Variants in CEP72 observed in about 807,000 individuals in gnomAD.
The protein encoded by CEP72 is centrosomal protein 72.
A neutral mutation model predicts 65.7 loss-of-function variants in CEP72; 78 were observed. The observed-to-expected ratio is 1.19, with a 90% CI of 0.99 to 1.43. The LOEUF (loss-of-function observed/expected upper bound fraction) is 1.43. Among genes scored for constraint, CEP72 ranks in the 40% most tolerant of loss-of-function variants. The pLI, the probability that CEP72 is intolerant of heterozygous loss-of-function variation, is 0.00. For synonymous variants in CEP72, 358 were observed against 351.7 expected (o/e 1.02, Z -0.20); for missense variants, 914 against 832.9 (o/e 1.10, Z -1.20).
Position 619,257 on chromosome 5 carries a change from T to C in CEP72, c.210+140T>C, listed in dbSNP as rs895437575. On this transcript the variant is annotated intron_variant, in intron 2 of 11. Transcript: ENST00000264935. ...ACTTTGTGTTGCGTATTTTTGTGTTTACCGTGGGCTACATTTCATACACAT... is the reference window on the plus strand; with the variant it reads ...ACTTTGTGTTGCGTATTTTTGTGTTCACCGTGGGCTACATTTCATACACAT... 9.7e-6 allele frequency: 7 copies of C among 718,398 alleles called. No homozygotes were observed. In the African/African-American group the frequency reaches 1.2e-4, roughly 13 times the overall value. The allele number at this position is 718,398 out of a possible 1,614,324, so 44.5% of individuals were successfully genotyped here.
At chr5:652,950 CG>C in intron 11 of CEP72, 37 bp from the exon 12 acceptor site, 5 of 1,560,700 alleles carry the variant, frequency 3.2e-6, no homozygotes, top group Non-Finnish European at 2.6e-6. Context: ...CTGGAGAGGA[CG>C]GAAGTGCCAA....
intron 4 of CEP72, among the ~76,000 whole-genome samples, chr5:627,661 G>A (rs983182154): frequency 1.3e-5 from 2 of 151,992 alleles, no homozygotes; most frequent in Non-Finnish European, 2.9e-5. Flanking sequence ...ATTTTTTGCT[G>A]ACACCACTCC....
chr5:634,718 C>T (rs1877853), intron 5 of CEP72, among the ~76,000 whole-genome samples: 5,681 of 152,152 alleles, frequency 0.037, 358 homozygotes, highest in African/African-American at 0.13. Context: ...GGTTGCTTCT[C>T]TTAGTATTGA....
downstream of CEP72, among the ~76,000 whole-genome samples, chr5:669,696 A>G (rs1740129977): frequency 6.6e-6 from 1 of 152,004 alleles, no homozygotes. Context: ...ATCAGAGGCG[A>G]CATTCAGATC....
At chr5:638,461 G>A (rs1036435237) in intron 7 of CEP72, among the ~76,000 whole-genome samples, 3 of 151,996 alleles carry the variant, frequency 2.0e-5, no homozygotes, top group Non-Finnish European at 4.4e-5. Context: ...CACAACGAGG[G>A]CTTCAGACTC....
intron 11 of CEP72, among the ~76,000 whole-genome samples, chr5:651,114 TGACTGTGAGGCGTG>T (rs1422012200): frequency 1.9e-5 from 1 of 53,010 alleles, no homozygotes; most frequent in Non-Finnish European, 3.1e-5. Flanking sequence ...CTGTGAGGTG[TGACTGTGAGGCGTG>T]GACTGTGAGG....
At position 640,533 on chromosome 5, in the gene CEP72, G is replaced by C; in HGVS notation, c.1468G>C (p.Glu490Gln). Residue 490 changes from glutamate to glutamine, a missense_variant, in exon 9 of 12, where the codon GAG (glutamate) becomes CAG (glutamine). Transcript: ENST00000264935. ...ESKSLQSRLAEQQQQHAREMS... is the reference protein window; with the variant it reads ...ESKSLQSRLAQQQQQHAREMS... The stretch of plus-strand genomic sequence containing the variant: ...TAAGTCCCTGCAAAGCCGCCTTGCT[G>C]AGCAGCAGCAGCAGCACGCCCGGGA... The C allele has an allele frequency of 6.2e-7, 1 of 1,614,100 alleles. No homozygotes were observed.
chr5:667,871 G>A (rs552796589), downstream of CEP72, among the ~76,000 whole-genome samples: 218 of 116,266 alleles, frequency 1.9e-3, 1 homozygote, highest in Non-Finnish European at 2.4e-3. Context: ...GGGAAGTACC[G>A]ACAAGCACAC....
At chr5:671,624 AG>A (rs1176438684), downstream of CEP72, among the ~76,000 whole-genome samples, 1 of 152,220 alleles carries the variant, frequency 6.6e-6, no homozygotes, top group Non-Finnish European at 1.5e-5. Flanking sequence ...CCCGGCCTGC[AG>A]GGTACAGGAG....
Position 643,008 on chromosome 5 carries a change from G to T in CEP72, c.1540-1291G>T, listed in dbSNP as rs926048067. 8.1e-6 allele frequency: 8 copies of T among 985,492 alleles called. No homozygotes were observed. In the African/African-American group the frequency reaches 1.4e-4, roughly 17 times the overall value. 61.0% of individuals were successfully genotyped at this position (985,492 alleles called of 1,614,324 possible). A position where few individuals can be genotyped will look rare whatever the true frequency, so the allele number is the denominator to read the frequency against. On this transcript the variant is annotated intron_variant, in intron 9 of 11. Coordinates refer to ENST00000264935, the MANE Select transcript of CEP72 (RefSeq NM_018140.4). ...GAGGCAGATGGGCTGCGCCCAGCTT[G>T]GGTGCAGTCGGTCCTCTGTTCCCTG... is the stretch of plus-strand genomic sequence containing the variant.
chr5:667,486 C>A (rs957066461), downstream of CEP72, among the ~76,000 whole-genome samples: 1 of 152,196 alleles, frequency 6.6e-6, no homozygotes, highest in African/African-American at 2.4e-5. Flanking sequence ...GAGAAGATCT[C>A]TGTGACCTGG....
chr5:612,667 C>G, intron 1 of CEP72: 1 of 952,720 alleles, frequency 1.0e-6, no homozygotes, highest in Non-Finnish European at 1.2e-6. Context: ...GCGTCCCGGC[C>G]CCTGCCTGTC....
chr5:651,325 G>GGACTGTGAGATGT (rs1366986147), intron 11 of CEP72, among the ~76,000 whole-genome samples: 18 of 146,628 alleles, frequency 1.2e-4, no homozygotes, highest in Non-Finnish European at 2.3e-4. Flanking sequence ...TGTGAGGCGT[G>GGACTGTGAGATGT]GACTGTGAGG....
downstream of CEP72, among the ~76,000 whole-genome samples, chr5:669,230 G>T (rs927420698): frequency 6.6e-6 from 1 of 152,146 alleles, no homozygotes; most frequent in African/African-American, 2.4e-5. Context: ...CAGACCCGCC[G>T]GCCATAGGGC....
At chr5:648,448 GTGTGAGGTGTGAC>G (rs1246163150) in intron 11 of CEP72, among the ~76,000 whole-genome samples, 70 of 145,964 alleles carry the variant, frequency 4.8e-4, no homozygotes, top group South Asian at 1.8e-3. Context: ...TCAACCCTGA[GTGTGAGGTGTGAC>G]TGTGAGGTGT....
At chr5:641,253 C>T (rs1481996841) in intron 9 of CEP72, 1 of 985,414 alleles carries the variant, frequency 1.0e-6, no homozygotes, top group South Asian at 4.7e-5. Context: ...CAAGGGCCTC[C>T]CCACGGGCTG....
At chr5:666,022 C>G in exon 4 of CEP72, 1 of 1,610,058 alleles carries the variant, frequency 6.2e-7, no homozygotes. Context: ...GTGCACCTCG[C>G]GAACGGCCTC....
Position 635,436 on chromosome 5 carries a change from C to T in CEP72, c.756C>T (p.Gly252=), listed in dbSNP as rs757496816. ...QYQCGDSGKQ[G]RETRRSSCRG... ...AGTGTGGGGACTCTGGGAAGCAGGG[C>T]CGTGAGACGAGGAGGAGCAGCTGCA... Residue 252 remains glycine (G), a synonymous_variant, in exon 6 of 12, where the codon GGC becomes GGT. Transcript: ENST00000264935. 1.2e-6 allele frequency: 2 copies of T among 1,614,090 alleles called. No homozygotes were observed. Among genetic ancestry groups the T allele is most frequent in the South Asian group, 2.2e-5 (2 of 91,080 alleles).
chr5:670,275 C>T (rs1740167634), downstream of CEP72, among the ~76,000 whole-genome samples: 1 of 152,166 alleles, frequency 6.6e-6, no homozygotes, highest in African/African-American at 2.4e-5. Flanking sequence ...TCCCATGGTG[C>T]CCTCTCTGAG....
Sources: allele counts gnomAD v4.1 joint callset (sites outside exome capture counted in the v4.1 genomes callset), GRCh38; gene constraint gnomAD v4.1.1; transcripts MANE v1.5; gene names NCBI Gene and HGNC (gene_info 2026-07-23, HGNC 2026-07-21).